The following DLG2 variants were observed in gnomAD, a reference collection of about 807,000 sequenced individuals.
DLG2 encodes disks large homolog 2.
A neutral mutation model predicts 132.5 loss-of-function variants in DLG2; 45 were observed. The observed-to-expected ratio is 0.34, with a 90% CI of 0.27 to 0.44. The LOEUF (loss-of-function observed/expected upper bound fraction) is 0.44, where lower values mean the gene tolerates loss of function less well. Ranked by LOEUF, DLG2 falls within the 20% of genes least tolerant of loss-of-function variation. DLG2 has a pLI of 1.00. For missense variants in DLG2, 1,045 were observed against 1,196.9 expected, an observed-to-expected ratio of 0.87 and a Z score of 1.87; for synonymous variants, 424 against 419.6, an observed-to-expected ratio of 1.01 and a Z score of -0.13.
chr11:85,473,613 G>C (rs2093052948), intron 3 of DLG2, among the ~76,000 whole-genome samples: 1 of 151,372 alleles, frequency 6.6e-6, no homozygotes, highest in Non-Finnish European at 1.5e-5. Flanking sequence ...ACTTTTAAAA[G>C]GTTTAAAAAT....
At chr11:84,826,635 G>C (rs2078359368) in intron 6 of DLG2, among the ~76,000 whole-genome samples, 1 of 151,660 alleles carries the variant, frequency 6.6e-6, no homozygotes, top group African/African-American at 2.4e-5. Flanking sequence ...GCCTATTTTG[G>C]GGCCCTGGTA....
intron 3 of DLG2, among the ~76,000 whole-genome samples, chr11:85,287,885 A>G (rs1447491625): frequency 1.3e-5 from 2 of 152,174 alleles, no homozygotes; most frequent in African/African-American, 2.4e-5. Context: ...GCAATATGAA[A>G]AAAATTTTGT....
chr11:84,954,340 T>C (rs1254713035), intron 6 of DLG2, among the ~76,000 whole-genome samples: 3 of 136,554 alleles, frequency 2.2e-5, no homozygotes, highest in African/African-American at 8.2e-5. Context: ...AAGGGAGGCA[T>C]CTTAAAGGAT....
chr11:83,662,777 G>C (rs527948069), intron 18 of DLG2, among the ~76,000 whole-genome samples: 1 of 152,186 alleles, frequency 6.6e-6, no homozygotes, highest in Non-Finnish European at 1.5e-5. Context: ...TTTGTCAGTA[G>C]AATTGCAGTT....
At chr11:83,730,204 A>G (rs2090759806) in intron 18 of DLG2, among the ~76,000 whole-genome samples, 1 of 134,678 alleles carries the variant, frequency 7.4e-6, no homozygotes, top group Non-Finnish European at 1.5e-5. Context: ...AAAAATGTTC[A>G]CTTTACTGTT....
At chr11:83,520,323 G>T (rs1810119950) in intron 21 of DLG2, among the ~76,000 whole-genome samples, 1 of 152,118 alleles carries the variant, frequency 6.6e-6, no homozygotes, top group Non-Finnish European at 1.5e-5. Context: ...CTGCATTACG[G>T]TTATCACTAC....
At chr11:83,568,914 T>G (rs1049834490) in intron 19 of DLG2, among the ~76,000 whole-genome samples, 14 of 151,888 alleles carry the variant, frequency 9.2e-5, no homozygotes, top group African/African-American at 3.4e-4. Flanking sequence ...GGACTTAAGA[T>G]GTTTAAGCCG....
intron 18 of DLG2, among the ~76,000 whole-genome samples, chr11:83,646,380 A>G (rs2068189939): frequency 6.6e-6 from 1 of 151,886 alleles, no homozygotes; most frequent in Non-Finnish European, 1.5e-5. Flanking sequence ...AGAGAGAGGA[A>G]GGAAGGAAGG....
intron 7 of DLG2, among the ~76,000 whole-genome samples, chr11:84,520,747 G>A (rs529429572): frequency 2.6e-4 from 40 of 152,292 alleles, no homozygotes; most frequent in Middle Eastern, 3.4e-3. Context: ...AGCCACACAG[G>A]AATTTGAGTG....
At chr11:85,409,907 G>A (rs201252462) in intron 3 of DLG2, among the ~76,000 whole-genome samples, 15 of 151,712 alleles carry the variant, frequency 9.9e-5, no homozygotes, top group African/African-American at 1.5e-4. Flanking sequence ...TCAGTTCAAC[G>A]CATATTAAAT....
chr11:85,271,251 G>C (rs1565246067), intron 4 of DLG2, among the ~76,000 whole-genome samples: 1 of 152,222 alleles, frequency 6.6e-6, no homozygotes, highest in Non-Finnish European at 1.5e-5. Context: ...CTTTCATGTG[G>C]CATTGAGCCT....
chr11:84,401,740 C>A (rs1166130621), intron 7 of DLG2, among the ~76,000 whole-genome samples: 1 of 152,088 alleles, frequency 6.6e-6, no homozygotes, highest in South Asian at 2.1e-4. Context: ...TTTTTAGCAG[C>A]GATGTCATCT....
intron 15 of DLG2, among the ~76,000 whole-genome samples, chr11:83,893,028 G>T (rs572545944): frequency 3.3e-5 from 5 of 152,226 alleles, no homozygotes; most frequent in Admixed American, 6.5e-5. Context: ...ACTGAGTTCA[G>T]TTGAAAAATC....
chr11:85,183,927 T>A (rs868231964), intron 4 of DLG2, among the ~76,000 whole-genome samples: 5 of 152,036 alleles, frequency 3.3e-5, no homozygotes, highest in African/African-American at 7.2e-5. Context: ...GGCACTCTAT[T>A]TGAATATGTT....
At position 85,457,851 on chromosome 11, in the gene DLG2, T is replaced by C. The variant is rs183522919; in HGVS notation, c.40+140806A>G. ...TTTCTAGATGAACGTCCCTTCTCTC[T>C]AGCTGCCTTTAACATTTTTTCTTTC... On this transcript the variant is annotated intron_variant, in intron 3 of 27. Coordinates refer to ENST00000376104, the MANE Select transcript of DLG2 (RefSeq NM_001142699.3). Among the ~76,000 whole-genome samples the C allele has an allele frequency of 5.3e-5, 8 of 152,312 alleles. No homozygotes were observed. The East Asian group carries it at 1.3e-3, about 26-fold the overall frequency.
intron 6 of DLG2, among the ~76,000 whole-genome samples, chr11:84,588,813 C>G (rs1387234557): frequency 1.3e-5 from 2 of 151,550 alleles, no homozygotes; most frequent in Non-Finnish European, 2.9e-5. Flanking sequence ...TATGGGCAAG[C>G]AGCAGCCTTT....
intron 6 of DLG2, among the ~76,000 whole-genome samples, chr11:84,586,953 T>C (rs776674273): frequency 6.6e-6 from 1 of 152,234 alleles, no homozygotes; most frequent in Non-Finnish European, 1.5e-5. Context: ...TGATGGGTTT[T>C]CAAAGCTCAT....
rs181203189 is a variant in DLG2 at position 83,508,329 on chromosome 11, C to T, written c.2194-24101G>A. ...TCAACTCACTGCAAACTCTGCCTCCCGGGTTCACGCCATTCTTCTGCCTCA... is the reference window on the plus strand; with the variant it reads ...TCAACTCACTGCAAACTCTGCCTCCTGGGTTCACGCCATTCTTCTGCCTCA... On this transcript the variant is annotated intron_variant, in intron 21 of 27. Coordinates refer to ENST00000376104, the MANE Select transcript of DLG2 (RefSeq NM_001142699.3). Among the ~76,000 whole-genome samples, 39 of 151,240 alleles carry T rather than the reference C, an allele frequency of 2.6e-4. 1 individual carries two copies. In the East Asian group the frequency reaches 4.1e-3, roughly 16 times the overall value.
chr11:83,480,869 G>A lies in DLG2; in HGVS notation c.2293+3260C>T, dbSNP rs141128575. Among the ~76,000 whole-genome samples, 558 of 151,976 alleles carry A rather than the reference G, an allele frequency of 3.7e-3. 2 individuals are homozygous for A. The highest frequency in any genetic ancestry group is 0.012 in the African/African-American group (512 of 41,468). On this transcript the variant is annotated intron_variant, in intron 22 of 27. Coordinates refer to ENST00000376104, the MANE Select transcript of DLG2 (RefSeq NM_001142699.3). ...TAGCCTTTAAGAATTTTGCTGGAAC[G>A]CTGCTCAAATTGCTAATTGATCCCT...
Sources: gnomAD v4.1 joint callset for allele counts (sites outside exome capture counted in the v4.1 genomes callset) on GRCh38, gnomAD v4.1.1 for gene constraint, MANE v1.5 for transcripts, NCBI Gene and HGNC (gene_info 2026-07-23, HGNC 2026-07-21) for gene names.